The following MEIS3 variants were observed in gnomAD, a reference collection of about 807,000 sequenced individuals.
MEIS3 encodes homeobox protein Meis3.
A neutral mutation model predicts 51.4 loss-of-function variants in MEIS3; 38 were observed. That is an observed-to-expected ratio of 0.74 (90% CI 0.57 to 0.97). The LOEUF (loss-of-function observed/expected upper bound fraction) is 0.97. Ranked by LOEUF, MEIS3 falls within the 50% of genes least tolerant of loss-of-function variation. The pLI is 0.00. For missense variants in MEIS3, 456 were observed against 502.6 expected, an observed-to-expected ratio of 0.91 and a Z score of 0.89; for synonymous variants, 198 against 201.8, an observed-to-expected ratio of 0.98 and a Z score of 0.16.
At chr19:47,420,940 A>ACACTCTCTCTCTCTCTCTCT (rs1187725467), upstream of MEIS3, among the ~76,000 whole-genome samples, 7 of 91,002 alleles carry the variant, frequency 7.7e-5, no homozygotes, top group African/African-American at 4.0e-4. Context: ...ACACACACAC[A>ACACTCTCTCTCTCTCTCTCT]CTCTCTCTCT....
At chr19:47,409,410 T>C in intron 7 of MEIS3, 26 bp downstream of exon 7, 1 of 1,599,290 alleles carries the variant, frequency 6.3e-7, no homozygotes. Flanking sequence ...CTCCCATGTT[T>C]CCCTTCCACC....
At chr19:47,415,570 TC>T (rs373929657) in intron 4 of MEIS3, among the ~76,000 whole-genome samples, 1,547 of 127,906 alleles carry the variant, frequency 0.012, 24 homozygotes, top group African/African-American at 0.039. Context: ...TCTCTCTCTC[TC>T]TCTTTTTTTT....
In MEIS3 at chr19:47,406,901, G is replaced by A. The variant is rs780410656; in HGVS notation, c.1065C>T (p.Ala355=). Residue 355 remains alanine, a synonymous_variant, in exon 11 of 13, where the codon GCC becomes GCT. Transcript: ENST00000558555. ...GGCGAGGCTTACCCGGAGGCCGGAC[G>A]GCCACGTGTGGCTGCGTCTCGGTAT... is the stretch of plus-strand genomic sequence containing the variant. The part of the protein sequence containing the change: ...GGYTETQPHV[A]VRPPGSVGMS... The A allele has an allele frequency of 4.4e-6, 7 of 1,574,156 alleles. No individual in the cohort carries two copies. In the South Asian group the frequency reaches 4.7e-5, roughly 10 times the overall value.
chr19:47,416,377 A>G, intron 4 of MEIS3: 1 of 431,744 alleles, frequency 2.3e-6, no homozygotes, highest in East Asian at 4.1e-5. Flanking sequence ...TACCAGCCAC[A>G]CTTCACAGAC....
At chr19:47,414,109 T>C (rs1479215813) in intron 6 of MEIS3, among the ~76,000 whole-genome samples, 1 of 151,974 alleles carries the variant, frequency 6.6e-6, no homozygotes, top group Non-Finnish European at 1.5e-5. Context: ...TCTGGGGCCA[T>C]GTGGCTGTGA....
At chr19:47,420,524 A>AGAGACAGAGACAGACGCGGGTGGGAG (rs1971665162), upstream of MEIS3, among the ~76,000 whole-genome samples, 5 of 81,340 alleles carry the variant, frequency 6.1e-5, no homozygotes, top group African/African-American at 3.7e-4. Flanking sequence ...TGTGATTCAG[A>AGAGACAGAGACAGACGCGGGTGGGAG]GAGAGAGAGA....
intron 12 of MEIS3, among the ~76,000 whole-genome samples, chr19:47,404,063 G>A (rs1340834011): frequency 6.6e-6 from 1 of 152,096 alleles, no homozygotes; most frequent in African/African-American, 2.4e-5. Context: ...AATTAGCCAG[G>A]TATGGTGGCG....
upstream of MEIS3, among the ~76,000 whole-genome samples, chr19:47,420,511 C>G (rs896719287): frequency 1.5e-5 from 2 of 130,152 alleles, no homozygotes; most frequent in African/African-American, 7.3e-5. Context: ...ACTCCAGTGA[C>G]GGTGTGATTC....
At chr19:47,414,328 G>A (rs866236425) in intron 6 of MEIS3, among the ~76,000 whole-genome samples, 5 of 152,140 alleles carry the variant, frequency 3.3e-5, no homozygotes, top group East Asian at 3.9e-4. Context: ...TGAGAACGGC[G>A]TGCGGAACCC....
intron 6 of MEIS3, 37 bp from the exon 7 acceptor site, chr19:47,409,584 C>A: frequency 1.3e-6 from 2 of 1,520,980 alleles, no homozygotes; most frequent in Non-Finnish European, 1.8e-6. Context: ...GCCAAGGCGG[C>A]CGGGCGCAGT....
At position 47,407,093 on chromosome 19, in the gene MEIS3, T is replaced by C. The variant is rs1303332492; in HGVS notation, c.980A>G (p.Gln327Arg). The C allele has an allele frequency of 1.2e-6, 2 of 1,611,762 alleles. No individual in the cohort carries two copies. The highest frequency in any genetic ancestry group is 1.7e-6 in the Non-Finnish European group (2 of 1,179,252). The change falls in exon 10 of 13, where the codon CAA (glutamine) becomes CGA (arginine). Residue 327 changes from glutamine (Q) to arginine (R), a missense_variant. Transcript: ENST00000558555. ...TCCCCCTGTACCTGTGCGGTTGGAT[T>C]GATCGATCATAGGTTGCACGATGCG... ...RRRIVQPMIDQSNRTGQGAAF... is the reference protein window; with the variant it reads ...RRRIVQPMIDRSNRTGQGAAF...
At chr19:47,406,602 C>A in intron 11 of MEIS3, 76 bp from the exon 12 acceptor site, 1 of 1,382,992 alleles carries the variant, frequency 7.2e-7, no homozygotes, top group South Asian at 1.2e-5. Context: ...TCCCTCACCC[C>A]TTCCTACACC....
Position 47,416,844 on chromosome 19 carries a change from G to A in MEIS3, c.305C>T (p.Ser102Phe). 1 of 1,614,066 alleles carries A rather than the reference G, an allele frequency of 6.2e-7. No individual in the cohort carries two copies. Among genetic ancestry groups the A allele is most frequent in the East Asian group, 2.2e-5 (1 of 44,892 alleles). The change falls in exon 3 of 13, where the codon TCT becomes TTT. Residue 102 changes from serine to phenylalanine, a missense_variant. Coordinates refer to ENST00000558555, the MANE Select transcript of MEIS3 (RefSeq NM_001301059.2). ...AGCGATGTCCTCGTTGAAGGAATCA[G>A]AGGAGCAGACGTCACCTCCAGGGGG... ...GTPPGGDVCS[S>F]DSFNEDIAAF... is the part of the protein sequence containing the mutation.
intron 12 of MEIS3, among the ~76,000 whole-genome samples, chr19:47,404,158 C>G (rs1970713661): frequency 1.3e-5 from 2 of 152,024 alleles, no homozygotes; most frequent in Admixed American, 1.3e-4. Context: ...GAGCCATGAT[C>G]AGGAGTGGAG....
intron 9 of MEIS3, 40 bp downstream of exon 9, chr19:47,407,312 T>C (rs1970883774): frequency 6.3e-7 from 1 of 1,593,426 alleles, no homozygotes; most frequent in African/African-American, 1.4e-5. Flanking sequence ...GCCCGGGCTC[T>C]CGCCCCGGGC....
intron 6 of MEIS3, among the ~76,000 whole-genome samples, chr19:47,414,327 C>T (rs550596670): frequency 6.6e-6 from 1 of 152,158 alleles, no homozygotes; most frequent in East Asian, 1.9e-4. Flanking sequence ...TTGAGAACGG[C>T]GTGCGGAACC....
In MEIS3 at chr19:47,407,070, C is replaced by G. The variant is rs778731369; in HGVS notation, c.994+9G>C. On this transcript the variant is annotated intron_variant, in intron 10 of 12. Transcript: ENST00000558555. ...CCCCAGGCTCTCCGTCCCCGCCTTC[C>G]CCCTGTACCTGTGCGGTTGGATTGA... The G allele has an allele frequency of 9.9e-6, 16 of 1,609,138 alleles. No homozygotes were observed. Among genetic ancestry groups the G allele is most frequent in the African/African-American group, 1.3e-5 (1 of 74,878 alleles).
upstream of MEIS3, among the ~76,000 whole-genome samples, chr19:47,421,241 T>A (rs1469433624): frequency 6.6e-6 from 1 of 152,112 alleles, no homozygotes; most frequent in Non-Finnish European, 1.5e-5. Flanking sequence ...GTCCTGCACC[T>A]GTTTTACAGA....
chr19:47,417,735 A>T lies in MEIS3; in HGVS notation c.13-385T>A, dbSNP rs1307093129. 1.0e-5 allele frequency: 7 copies of T among 688,120 alleles called. No individual in the cohort carries two copies. In the East Asian group the frequency reaches 1.9e-4, roughly 19 times the overall value. The allele number at this position is 688,120 out of a possible 1,614,324, so 42.6% of individuals were successfully genotyped here. A position where few individuals can be genotyped will look rare whatever the true frequency, so the allele number is the denominator to read the frequency against. On this transcript the variant is annotated intron_variant, in intron 1 of 12. Coordinates refer to ENST00000558555, the MANE Select transcript of MEIS3 (RefSeq NM_001301059.2). ...CTGTAGGAACCGCGCATTGTTGTAC[A>T]CAAAGTACACATACGAAGCCTCCCT... is the stretch of plus-strand genomic sequence containing the variant.
Sources: gnomAD v4.1 joint callset for allele counts (sites outside exome capture counted in the v4.1 genomes callset) on GRCh38, gnomAD v4.1.1 for gene constraint, MANE v1.5 for transcripts, NCBI Gene and HGNC (gene_info 2026-07-23, HGNC 2026-07-21) for gene names.